Variants in PRMT3 observed in about 807,000 individuals in gnomAD.
PRMT3 encodes the protein protein arginine N-methyltransferase 3.
Under a neutral mutation model 71.9 loss-of-function variants are expected in PRMT3, and 62 were observed. The observed-to-expected ratio is 0.86, with a 90% confidence interval of 0.70 to 1.07. PRMT3 has a LOEUF of 1.07. PRMT3 is among the 50% of genes least tolerant of loss of function. The pLI, the probability that PRMT3 is intolerant of heterozygous loss-of-function variation, is 0.00. For missense variants in PRMT3, 663 were observed against 643.0 expected, an observed-to-expected ratio of 1.03 and a Z score of -0.34; for synonymous variants, 213 against 220.4, an observed-to-expected ratio of 0.97 and a Z score of 0.30.
chr11:20,495,448 TCTGCAGGGAGCTATGATGATACCA>T lies in PRMT3; in HGVS notation c.1486+1200_1486+1223del, dbSNP rs1365639730. On this transcript the variant is annotated intron_variant, in intron 15 of 15. Transcript: ENST00000331079. ...GGCTGAGGCAGGAGGCTTGCTTGAGTCTGCAGGGAGCTATGATGATACCACTGCACTCCAGCCTGGGTGACACAG... is the reference window on the plus strand; with the variant it reads ...GGCTGAGGCAGGAGGCTTGCTTGAGTCTGCACTCCAGCCTGGGTGACACAG... Among the ~76,000 whole-genome samples the T allele has an allele frequency of 1.3e-5, 2 of 151,962 alleles. 1 individual carries two copies. Among genetic ancestry groups the T allele is most frequent in the Admixed American group, 1.3e-4 (2 of 15,258 alleles).
chr11:20,392,179 A>G (rs776352134), intron 3 of PRMT3, 32 bp from the exon 4 acceptor site: 1 of 1,561,722 alleles, frequency 6.4e-7, no homozygotes, highest in Non-Finnish European at 8.7e-7. Flanking sequence ...TCATTATGTT[A>G]ACATAGGTGA....
At chr11:20,498,943 G>A (rs1565240617) in intron 15 of PRMT3, among the ~76,000 whole-genome samples, 1 of 152,180 alleles carries the variant, frequency 6.6e-6, no homozygotes, top group South Asian at 2.1e-4. Flanking sequence ...GTAAGTTCAA[G>A]AGGAAACAAA....
intron 7 of PRMT3, among the ~76,000 whole-genome samples, chr11:20,400,737 T>C (rs1378355696): frequency 6.6e-6 from 1 of 152,128 alleles, no homozygotes. Context: ...TTTTTTATAT[T>C]TGTAGGAATA....
chr11:20,454,297 AC>A (rs1235268262), intron 11 of PRMT3, among the ~76,000 whole-genome samples: 1 of 152,186 alleles, frequency 6.6e-6, no homozygotes, highest in Admixed American at 6.5e-5. Flanking sequence ...CTGTTTCCAG[AC>A]CTGCCTGACT....
At chr11:20,448,717 A>G (rs1229110197) in intron 10 of PRMT3, among the ~76,000 whole-genome samples, 1 of 152,186 alleles carries the variant, frequency 6.6e-6, no homozygotes, top group African/African-American at 2.4e-5. Context: ...ATGAACAGCC[A>G]TTTTAAAGAC....
At chr11:20,424,954 A>G (rs1365641064) in intron 9 of PRMT3, among the ~76,000 whole-genome samples, 3 of 152,090 alleles carry the variant, frequency 2.0e-5, no homozygotes, top group Admixed American at 6.5e-5. Flanking sequence ...GAACACAAAT[A>G]TTAGCCAGGC....
At chr11:20,400,019 T>C (rs1237145245) in intron 7 of PRMT3, among the ~76,000 whole-genome samples, 2 of 152,232 alleles carry the variant, frequency 1.3e-5, no homozygotes, top group Non-Finnish European at 2.9e-5. Flanking sequence ...AAGAACTGTT[T>C]ATTCATTTGC....
intron 11 of PRMT3, among the ~76,000 whole-genome samples, chr11:20,455,109 A>G (rs745789901): frequency 9.9e-5 from 15 of 152,162 alleles, no homozygotes; most frequent in Non-Finnish European, 2.2e-4. Flanking sequence ...CCAACAAGAG[A>G]TGAGGAGGAA....
At chr11:20,388,770 C>T (rs1848651301) in intron 2 of PRMT3, among the ~76,000 whole-genome samples, 1 of 152,234 alleles carries the variant, frequency 6.6e-6, no homozygotes, top group East Asian at 1.9e-4. Flanking sequence ...GGTCACAAAG[C>T]TGTGGTGTGC....
chr11:20,504,560 C>G (rs1182113228), intron 15 of PRMT3, among the ~76,000 whole-genome samples: 1 of 152,140 alleles, frequency 6.6e-6, no homozygotes, highest in Non-Finnish European at 1.5e-5. Flanking sequence ...GGAAAATTGA[C>G]ATCTTAACAA....
In PRMT3 at chr11:20,422,463, C is replaced by G. The variant is rs147800800; in HGVS notation, c.894-4303C>G. On this transcript the variant is annotated intron_variant, in intron 9 of 15. Coordinates refer to ENST00000331079, the MANE Select transcript of PRMT3 (RefSeq NM_005788.4). ...AAGTCTTTCAGTGAGGAAAAACTCT[C>G]TCTTGCCACCATTTCCTCTCTAAAA... Among the ~76,000 whole-genome samples, 1,005 of 152,280 alleles carry G rather than the reference C, an allele frequency of 6.6e-3. 38 individuals are homozygous for G. The highest frequency in any genetic ancestry group is 0.052 in the Admixed American group (788 of 15,284).
intron 10 of PRMT3, among the ~76,000 whole-genome samples, chr11:20,432,531 A>G (rs1289185964): frequency 6.6e-6 from 1 of 152,084 alleles, no homozygotes; most frequent in Non-Finnish European, 1.5e-5. Context: ...GGGAGTACAG[A>G]CATTTCTTTG....
intron 5 of PRMT3, chr11:20,393,944 T>A (rs1423071819): frequency 6.6e-6 from 1 of 152,220 alleles, no homozygotes; most frequent in South Asian, 2.1e-4. Context: ...GTGAATTAGA[T>A]AGTGAATGAT....
chr11:20,427,903 GAGTTTTGCTTTATAATTTTTTATA>G (rs1849582177), intron 10 of PRMT3, among the ~76,000 whole-genome samples: 1 of 152,062 alleles, frequency 6.6e-6, no homozygotes, highest in Non-Finnish European at 1.5e-5. Context: ...TGAAAACATT[GAGTTTTGCTTTATAATTTTTTATA>G]AATTTTGAAT....
At position 20,440,428 on chromosome 11, in the gene PRMT3, G is replaced by A. The variant is rs191326963; in HGVS notation, c.994-11702G>A. Among the ~76,000 whole-genome samples the A allele has an allele frequency of 2.1e-4, 30 of 143,620 alleles. No homozygotes were observed. The East Asian group carries it at 6.2e-3, about 30-fold the overall frequency. 94.2% of individuals were successfully genotyped at this position (143,620 alleles called of 152,430 possible). On this transcript the variant is annotated intron_variant, in intron 10 of 15. Transcript: ENST00000331079. ...TGGGAGGCCAAGGCGGGCGAATCAC[G>A]AGGTCAGGAGATTGAGACCATCCTG...
chr11:20,483,559 A>G (rs1850997586), intron 13 of PRMT3, among the ~76,000 whole-genome samples: 2 of 125,418 alleles, frequency 1.6e-5, no homozygotes, highest in African/African-American at 5.3e-5. Flanking sequence ...ATTGCCAAAA[A>G]AAAAAAAAAA....
chr11:20,402,212 C>G (rs149138113), intron 7 of PRMT3, among the ~76,000 whole-genome samples: 4,357 of 152,046 alleles, frequency 0.029, 217 homozygotes, highest in African/African-American at 0.098. Flanking sequence ...CTCCGCCTCC[C>G]GGGTTCAAGA....
intron 2 of PRMT3, among the ~76,000 whole-genome samples, chr11:20,389,505 A>C (rs1385747311): frequency 6.6e-6 from 1 of 152,212 alleles, no homozygotes; most frequent in Non-Finnish European, 1.5e-5. Flanking sequence ...AAATAAATTC[A>C]CTTTGACATT....
At chr11:20,406,885 A>G (rs1849083816) in intron 8 of PRMT3, 1 of 152,120 alleles carries the variant, frequency 6.6e-6, no homozygotes, top group Non-Finnish European at 1.5e-5. Flanking sequence ...CATTTTTCTA[A>G]CGATTAGTGA....
Sources: allele counts gnomAD v4.1 joint callset (sites outside exome capture counted in the v4.1 genomes callset), GRCh38; gene constraint gnomAD v4.1.1; transcripts MANE v1.5; gene names NCBI Gene and HGNC (gene_info 2026-07-23, HGNC 2026-07-21).